Variants in SMAP1 observed in about 807,000 individuals in gnomAD.
SMAP1 encodes the protein stromal membrane-associated protein 1.
A neutral mutation model predicts 58.5 loss-of-function variants in SMAP1; 24 were observed. The observed-to-expected ratio is 0.41, with a 90% CI of 0.30 to 0.58. The LOEUF (loss-of-function observed/expected upper bound fraction) is 0.58. Ranked by LOEUF, SMAP1 falls within the 20% of genes least tolerant of loss-of-function variation. The probability of loss-of-function intolerance (pLI) is 0.29; values close to 1 mark genes in which losing one functional copy is unlikely to be tolerated. For synonymous variants in SMAP1, 216 were observed against 196.6 expected (o/e 1.10, Z -0.82); for missense variants, 563 against 566.3 (o/e 0.99, Z 0.06).
intron 5 of SMAP1, among the ~76,000 whole-genome samples, chr6:70,793,069 T>C (rs957215319): frequency 6.6e-6 from 1 of 152,130 alleles, no homozygotes; most frequent in Non-Finnish European, 1.5e-5. Context: ...GGAGTCTTGC[T>C]CTGTTGCCAG....
intron 2 of SMAP1, among the ~76,000 whole-genome samples, chr6:70,738,706 TAGTC>T (rs879616540): frequency 3.5e-4 from 54 of 152,316 alleles, no homozygotes; most frequent in Non-Finnish European, 6.0e-4. Flanking sequence ...CTTGAATTCT[TAGTC>T]AGGCCAAATA....
chr6:70,767,774 C>A (rs367636508), intron 3 of SMAP1, among the ~76,000 whole-genome samples: 22,904 of 136,248 alleles, frequency 0.17, 2,393 homozygotes, highest in South Asian at 0.23. Context: ...CTGGCCAGAA[C>A]TTCCAACACT....
At chr6:70,676,003 C>T (rs1305418873) in intron 1 of SMAP1, among the ~76,000 whole-genome samples, 1 of 152,224 alleles carries the variant, frequency 6.6e-6, no homozygotes, top group Non-Finnish European at 1.5e-5. Context: ...ACCTTTGGCA[C>T]TGAGTCTCTG....
chr6:70,816,575 T>C (rs1488544060), intron 6 of SMAP1, among the ~76,000 whole-genome samples: 1 of 152,224 alleles, frequency 6.6e-6, no homozygotes, highest in Non-Finnish European at 1.5e-5. Context: ...CTCCAAGGCC[T>C]GCTTTATCAG....
intron 2 of SMAP1, among the ~76,000 whole-genome samples, chr6:70,746,416 T>G (rs1766035273): frequency 6.6e-6 from 1 of 152,232 alleles, no homozygotes; most frequent in Non-Finnish European, 1.5e-5. Context: ...CTTTTCTGCA[T>G]CTGTTGAGAT....
At chr6:70,821,348 TA>T (rs1237718627) in intron 6 of SMAP1, among the ~76,000 whole-genome samples, 1 of 152,192 alleles carries the variant, frequency 6.6e-6, no homozygotes, top group Non-Finnish European at 1.5e-5. Flanking sequence ...CTTTTTTTTT[TA>T]TTCTGCTGTT....
At chr6:70,846,786 G>A (rs1309908555) in intron 7 of SMAP1, among the ~76,000 whole-genome samples, 1 of 152,152 alleles carries the variant, frequency 6.6e-6, no homozygotes, top group Admixed American at 6.5e-5. Context: ...ACTCTGGGTA[G>A]GGAATGGGCA....
At chr6:70,695,278 CTT>C (rs1767354291) in intron 1 of SMAP1, among the ~76,000 whole-genome samples, 1 of 152,098 alleles carries the variant, frequency 6.6e-6, no homozygotes, top group Admixed American at 6.6e-5. Context: ...CTTTCTTTCT[CTT>C]GTCTGATTGC....
intron 10 of SMAP1, chr6:70,859,245 A>T (rs1771586075): frequency 2.2e-6 from 2 of 902,708 alleles, no homozygotes; most frequent in Admixed American, 2.8e-5. Context: ...TGTCAGTCAC[A>T]TGGTCAACAT....
Position 70,860,735 on chromosome 6 carries a change from G to A in SMAP1, c.*401G>A. The stretch of plus-strand genomic sequence containing the variant: ...GCCAGTAATCCTGTAGGAAGGTACT[G>A]TATGATCAAATGTTTAATCATATAA... On this transcript the variant is annotated 3_prime_UTR_variant, in exon 11 of 11. Coordinates refer to ENST00000370455, the MANE Select transcript of SMAP1 (RefSeq NM_001044305.3). 2.5e-6 allele frequency: 1 copy of A among 401,372 alleles called. No homozygotes were observed. The highest frequency in any genetic ancestry group is 4.4e-6 in the Non-Finnish European group (1 of 227,378). 24.9% of individuals were successfully genotyped at this position (401,372 alleles called of 1,614,324 possible). A position where few individuals can be genotyped will look rare whatever the true frequency, so the allele number is the denominator to read the frequency against.
intron 7 of SMAP1, among the ~76,000 whole-genome samples, chr6:70,852,041 ATAT>A (rs1268917508): frequency 2.0e-5 from 3 of 152,180 alleles, no homozygotes; most frequent in African/African-American, 7.2e-5. Context: ...GGTAAAAATG[ATAT>A]TATCTCCAAA....
intron 1 of SMAP1, among the ~76,000 whole-genome samples, chr6:70,702,104 G>A (rs1017025188): frequency 1.3e-5 from 2 of 152,040 alleles, no homozygotes; most frequent in Non-Finnish European, 2.9e-5. Flanking sequence ...TCCTTTGTCC[G>A]TAATGCCTTT....
intron 6 of SMAP1, among the ~76,000 whole-genome samples, chr6:70,823,327 A>G (rs545361930): frequency 6.6e-6 from 1 of 152,216 alleles, no homozygotes; most frequent in South Asian, 2.1e-4. Context: ...CTGTGCCCCT[A>G]TGTTATATAC....
At chr6:70,792,441 G>GT (rs11461277) in intron 5 of SMAP1, among the ~76,000 whole-genome samples, 73,340 of 151,268 alleles carry the variant, frequency 0.48, 18,064 homozygotes, top group Non-Finnish European at 0.52. Context: ...TAGATGTGTG[G>GT]TATACAAAGG....
chr6:70,676,988 C>T (rs1269303321), intron 1 of SMAP1, among the ~76,000 whole-genome samples: 1 of 151,868 alleles, frequency 6.6e-6, no homozygotes, highest in Non-Finnish European at 1.5e-5. Flanking sequence ...GGGGAGGGGC[C>T]TTGCTATGTT....
intron 1 of SMAP1, among the ~76,000 whole-genome samples, chr6:70,675,805 C>T (rs940188019): frequency 2.0e-5 from 3 of 152,134 alleles, no homozygotes; most frequent in African/African-American, 4.8e-5. Flanking sequence ...GCAGGCCTTG[C>T]GGTGGTTGGC....
chr6:70,691,628 TG>T (rs1767172377), intron 1 of SMAP1, among the ~76,000 whole-genome samples: 1 of 152,196 alleles, frequency 6.6e-6, no homozygotes, highest in African/African-American at 2.4e-5. Context: ...TCCCAGTTTC[TG>T]GTAATCATCA....
At chr6:70,723,123 C>G (rs55733349) in intron 1 of SMAP1, among the ~76,000 whole-genome samples, 28,808 of 151,880 alleles carry the variant, frequency 0.19, 3,001 homozygotes, top group African/African-American at 0.28. Context: ...TTTGTTTGGA[C>G]CCTTCTTGGT....
intron 3 of SMAP1, among the ~76,000 whole-genome samples, chr6:70,759,531 TATC>T (rs1582128523): frequency 6.6e-6 from 1 of 152,130 alleles, no homozygotes; most frequent in Non-Finnish European, 1.5e-5. Context: ...GTTTTCAAAT[TATC>T]ATGAAGGATA....
Sources: allele counts gnomAD v4.1 joint callset (sites outside exome capture counted in the v4.1 genomes callset), GRCh38; gene constraint gnomAD v4.1.1; transcripts MANE v1.5; gene names NCBI Gene and HGNC (gene_info 2026-07-23, HGNC 2026-07-21).